SMOC2: variants seen among roughly 807,000 people sequenced by gnomAD.
SMOC2 encodes SPARC related modular calcium binding 2.
A neutral mutation model predicts 61.4 loss-of-function variants in SMOC2; 39 were observed. That is an observed-to-expected ratio of 0.64 (90% confidence interval 0.49 to 0.83). The LOEUF is 0.83. Ranked by LOEUF, SMOC2 falls within the 40% of genes least tolerant of loss-of-function variation. The probability of loss-of-function intolerance (pLI) is 0.00; values close to 1 mark genes in which losing one functional copy is unlikely to be tolerated. For synonymous variants in SMOC2, 247 were observed against 239.9 expected, an observed-to-expected ratio of 1.03 and a Z score of -0.27; for missense variants, 556 against 592.9, an observed-to-expected ratio of 0.94 and a Z score of 0.65.
chr6:168,507,103 C>G (rs1323461991), intron 1 of SMOC2, among the ~76,000 whole-genome samples: 1 of 152,128 alleles, frequency 6.6e-6, no homozygotes, highest in South Asian at 2.1e-4. Context: ...TTCCAAATGC[C>G]TGGATGCTGG....
At chr6:168,566,544 G>A (rs1784546213) in intron 7 of SMOC2, among the ~76,000 whole-genome samples, 1 of 143,204 alleles carries the variant, frequency 7.0e-6, no homozygotes, top group Admixed American at 7.4e-5. Context: ...GTGCAATGGT[G>A]TGATCTCGGC....
At position 168,603,062 on chromosome 6, in the gene SMOC2, G is replaced by T. The variant is rs187155650; in HGVS notation, c.824+4058G>T. Among the ~76,000 whole-genome samples, 30 of 152,118 alleles carry T rather than the reference G, an allele frequency of 2.0e-4. No individual in the cohort carries two copies. The East Asian group carries it at 5.8e-3, about 30-fold the overall frequency. ...GGGTGGTTTCCTCCTTGCTGTTCTCGTGATAGTGAGTGAGTTATCATGAGA... is the reference window on the plus strand; with the variant it reads ...GGGTGGTTTCCTCCTTGCTGTTCTCTTGATAGTGAGTGAGTTATCATGAGA... On this transcript the variant is annotated intron_variant, in intron 8 of 12. Coordinates refer to ENST00000356284, the MANE Select transcript of SMOC2 (RefSeq NM_001166412.2).
At chr6:168,493,179 G>A (rs1782508788) in intron 1 of SMOC2, among the ~76,000 whole-genome samples, 1 of 152,066 alleles carries the variant, frequency 6.6e-6, no homozygotes, top group African/African-American at 2.4e-5. Context: ...TGGGACTACA[G>A]GTACACGCCA....
chr6:168,514,410 C>T (rs1783081852), intron 2 of SMOC2, among the ~76,000 whole-genome samples: 2 of 152,194 alleles, frequency 1.3e-5, no homozygotes, highest in Non-Finnish European at 2.9e-5. Context: ...CATGCTTCAC[C>T]CAGGAAACCG....
chr6:168,514,801 G>A (rs1044146478), intron 2 of SMOC2, among the ~76,000 whole-genome samples: 2 of 152,180 alleles, frequency 1.3e-5, no homozygotes, highest in Non-Finnish European at 2.9e-5. Context: ...GCCATTGAAA[G>A]GCCGCGAAGA....
chr6:168,649,398 C>A (rs1787134337), intron 9 of SMOC2, among the ~76,000 whole-genome samples: 1 of 152,184 alleles, frequency 6.6e-6, no homozygotes, highest in East Asian at 1.9e-4. Flanking sequence ...CTAGCCCCAG[C>A]AGAGCCCCAG....
chr6:168,642,355 C>A (rs192993717), intron 9 of SMOC2, among the ~76,000 whole-genome samples: 1 of 152,362 alleles, frequency 6.6e-6, no homozygotes, highest in African/African-American at 2.4e-5. Context: ...GGCCAAAACT[C>A]GGTGACTGGC....
At chr6:168,495,421 A>G (rs548786930) in intron 1 of SMOC2, among the ~76,000 whole-genome samples, 6 of 152,192 alleles carry the variant, frequency 3.9e-5, no homozygotes, top group Non-Finnish European at 7.3e-5. Context: ...CCAGAGCTCC[A>G]ACATTTTCCT....
chr6:168,494,202 C>T (rs1388043199), intron 1 of SMOC2, among the ~76,000 whole-genome samples: 1 of 152,174 alleles, frequency 6.6e-6, no homozygotes, highest in Non-Finnish European at 1.5e-5. Context: ...TTCTTCATGA[C>T]ATGGCAAAGC....
intron 1 of SMOC2, among the ~76,000 whole-genome samples, chr6:168,447,541 A>G (rs983114075): frequency 3.9e-5 from 6 of 152,162 alleles, no homozygotes; most frequent in African/African-American, 9.7e-5. Context: ...CAGCTGCATC[A>G]TCTCTCACTG....
intron 4 of SMOC2, among the ~76,000 whole-genome samples, chr6:168,537,853 C>T (rs1342584740): frequency 5.9e-5 from 9 of 152,096 alleles, no homozygotes; most frequent in African/African-American, 1.7e-4. Context: ...CTGGAGTTCA[C>T]CTCCCCTGCC....
At chr6:168,442,927 AG>A (rs34996400) in intron 1 of SMOC2, among the ~76,000 whole-genome samples, 1 of 152,228 alleles carries the variant, frequency 6.6e-6, no homozygotes, top group South Asian at 2.1e-4. Flanking sequence ...ATCTCCCCAG[AG>A]GGGGCCCTCA....
intron 7 of SMOC2, among the ~76,000 whole-genome samples, chr6:168,563,924 G>T (rs972835864): frequency 6.6e-6 from 1 of 152,118 alleles, no homozygotes; most frequent in Non-Finnish European, 1.5e-5. Flanking sequence ...AGGGGGCGGG[G>T]GCGGGTGCTC....
rs1310810164 is a variant in SMOC2 at position 168,535,704 on chromosome 6, C to T, written c.464-7921C>T. Among the ~76,000 whole-genome samples the T allele has an allele frequency of 6.6e-6, 1 of 152,214 alleles. No individual in the cohort carries two copies. The highest frequency in any genetic ancestry group is 1.9e-4 in the East Asian group (1 of 5,194). On this transcript the variant is annotated intron_variant, in intron 4 of 12. Coordinates refer to ENST00000356284, the MANE Select transcript of SMOC2 (RefSeq NM_001166412.2). This position sits in a 1 kb window ranked among gnomAD's most constrained non-coding sequence, Gnocchi z 4.6. ...ACAAATGGATTGCATTTGGTTTCTT[C>T]ATCCACAGAAACACCGAAGTGGCAA...
At chr6:168,506,443 T>C (rs1409879465) in intron 1 of SMOC2, among the ~76,000 whole-genome samples, 4 of 152,246 alleles carry the variant, frequency 2.6e-5, no homozygotes, top group African/African-American at 7.2e-5. Context: ...TAATCAATAT[T>C]ATAAGGAGAA....
rs780110154 is a variant in SMOC2 at position 168,509,996 on chromosome 6, G to C, written c.166G>C (p.Asp56His). 6.2e-7 allele frequency: 1 copy of C among 1,614,236 alleles called. No homozygotes were observed. Among genetic ancestry groups the C allele is most frequent in the Non-Finnish European group, 8.5e-7 (1 of 1,180,052 alleles). Reference sequence around the variant, plus strand: ...GCCCCAGAAACCTCTCTGCGCATCTGACGGAAGGACCTTCCTTTCCCGTTG... The same window carrying C: ...GCCCCAGAAACCTCTCTGCGCATCTCACGGAAGGACCTTCCTTTCCCGTTG... Reference protein sequence around the residue: ...GSPQKPLCASDGRTFLSRCEF... With the variant: ...GSPQKPLCASHGRTFLSRCEF... The change falls in exon 2 of 13, where the codon GAC becomes CAC. Residue 56 changes from aspartate (D) to histidine (H), a missense_variant. Physicochemically the swap from Asp to His is moderately conservative, Grantham distance 81 (BLOSUM62 -1). Coordinates refer to ENST00000356284, the MANE Select transcript of SMOC2 (RefSeq NM_001166412.2).
At chr6:168,525,766 G>A (rs1783438972) in intron 2 of SMOC2, among the ~76,000 whole-genome samples, 1 of 152,152 alleles carries the variant, frequency 6.6e-6, no homozygotes. Context: ...GAAAAGGGAC[G>A]AGCCACGCTC....
chr6:168,600,552 C>T (rs117060047), intron 8 of SMOC2, among the ~76,000 whole-genome samples: 2,630 of 152,212 alleles, frequency 0.017, 44 homozygotes, highest in Non-Finnish European at 0.022. Context: ...TCACAGGCAG[C>T]GCTGGCTCTT....
At chr6:168,640,076 C>T (rs558717976) in intron 9 of SMOC2, among the ~76,000 whole-genome samples, 1 of 152,242 alleles carries the variant, frequency 6.6e-6, no homozygotes, top group African/African-American at 2.4e-5. Flanking sequence ...AGCCTCTGGG[C>T]GACTCACTGC....
Sources: allele counts gnomAD v4.1 joint callset (sites outside exome capture counted in the v4.1 genomes callset), GRCh38; gene constraint gnomAD v4.1.1; non-coding constraint Gnocchi (gnomAD v3.1); transcripts MANE v1.5; gene names NCBI Gene and HGNC (gene_info 2026-07-23, HGNC 2026-07-21).